TRIML1: variants seen among roughly 807,000 people sequenced by gnomAD.
TRIML1 encodes tripartite motif family like 1.
TRIML1 carries 34 observed loss-of-function variants against 32.3 expected under a neutral mutation model. The observed-to-expected ratio is 1.05, with a 90% CI of 0.80 to 1.40. The LOEUF (loss-of-function observed/expected upper bound fraction) is 1.40. Ranked by LOEUF, TRIML1 falls within the 40% of genes most tolerant of loss-of-function variation. The probability of loss-of-function intolerance (pLI) is 0.00; values close to 1 mark genes in which losing one functional copy is unlikely to be tolerated. For synonymous variants in TRIML1, 244 were observed against 226.6 expected, an observed-to-expected ratio of 1.08 and a Z score of -0.69; for missense variants, 595 against 574.9, an observed-to-expected ratio of 1.03 and a Z score of -0.36.
chr4:188,143,953 T>A, intron 4 of TRIML1, 83 bp from the exon 5 acceptor site: 1 of 1,605,370 alleles, frequency 6.2e-7, no homozygotes. Context: ...GCGCTGTTGC[T>A]GGGGGAGAAA....
upstream of TRIML1, chr4:188,139,427 G>C (rs1734760011): frequency 1.2e-6 from 1 of 864,830 alleles, no homozygotes; most frequent in Non-Finnish European, 1.8e-6. Context: ...GCACAGAAGA[G>C]ATAAGGGTTT....
In TRIML1 at chr4:188,145,441, C is replaced by CAAAAAA. The variant is rs869253721; in HGVS notation, c.856+1338_856+1343dup. Among the ~76,000 whole-genome samples the CAAAAAA allele has an allele frequency of 5.3e-3, 180 of 34,208 alleles. 10 individuals carry two copies. Among genetic ancestry groups the CAAAAAA allele is most frequent in the Non-Finnish European group, 6.6e-3 (138 of 20,868 alleles). 22.4% of individuals were successfully genotyped at this position (34,208 alleles called of 152,430 possible). On this transcript the variant is annotated intron_variant, in intron 5 of 5. Transcript: ENST00000332517. ...TGGGCGACAGAGCGAGACTCCGTCT[C>CAAAAAA]AAAAAAAAAAAAAAAAAAAAAAAAA...
chr4:188,148,578 G>A (rs1053069381), downstream of TRIML1, among the ~76,000 whole-genome samples: 2 of 151,976 alleles, frequency 1.3e-5, no homozygotes. Flanking sequence ...TAGGCTCGCT[G>A]TCTTTAGTGA....
intron 3 of TRIML1, 139 bp from the exon 4 acceptor site, chr4:188,143,699 C>G: frequency 5.0e-6 from 5 of 1,007,054 alleles, no homozygotes; most frequent in Non-Finnish European, 7.7e-6. Flanking sequence ...ACGCTTTTCT[C>G]TGCTCTCTGT....
At chr4:188,142,171 C>T (rs1734879831) in intron 2 of TRIML1, 81 bp from the exon 3 acceptor site, 1 of 968,684 alleles carries the variant, frequency 1.0e-6, no homozygotes, top group Non-Finnish European at 1.5e-6. Flanking sequence ...GATTAAAAAT[C>T]TACAGACAAG....
intron 5 of TRIML1, among the ~76,000 whole-genome samples, chr4:188,145,175 C>A: frequency 6.6e-6 from 1 of 151,948 alleles, no homozygotes; most frequent in South Asian, 2.1e-4. Context: ...CGGTGGCTCA[C>A]GCTTGTAATC....
At chr4:188,148,937 G>A (rs1370358885), downstream of TRIML1, among the ~76,000 whole-genome samples, 1 of 112,418 alleles carries the variant, frequency 8.9e-6, no homozygotes, top group African/African-American at 3.4e-5. Context: ...TTGAGACGGA[G>A]TAGTCTTGCT....
chr4:188,148,369 C>T (rs115109242), downstream of TRIML1, among the ~76,000 whole-genome samples: 7,988 of 151,982 alleles, frequency 0.053, 306 homozygotes, highest in Admixed American at 0.12. Flanking sequence ...TGGCACATGC[C>T]TGCAATCTCA....
intron 5 of TRIML1, among the ~76,000 whole-genome samples, chr4:188,144,604 C>T (rs1482063074): frequency 4.6e-5 from 7 of 151,308 alleles, no homozygotes; most frequent in African/African-American, 9.7e-5. Flanking sequence ...CCTCGTGATC[C>T]GCCCGCCTCG....
At chr4:188,145,898 G>A (rs2111237013) in intron 5 of TRIML1, among the ~76,000 whole-genome samples, 1 of 152,212 alleles carries the variant, frequency 6.6e-6, no homozygotes. Flanking sequence ...ATGGTCCCTG[G>A]GTGCTGCACT....
Position 188,139,866 on chromosome 4 carries a change from A to C in TRIML1, c.308A>C (p.Lys103Thr). 1 of 1,613,858 alleles carries C rather than the reference A, an allele frequency of 6.2e-7. No individual in the cohort carries two copies. Among genetic ancestry groups the C allele is most frequent in the Non-Finnish European group, 8.5e-7 (1 of 1,180,012 alleles). ...TACGGGAGGATGCCCACCACTGCCA[A>C]GGCGCTCTCCGATGACGAGCAGGGT... ...GSYGRMPTTA[K>T]ALSDDEQGGS... Residue 103 changes from lysine (K) to threonine (T), a missense_variant, in exon 1 of 6, where the codon AAG becomes ACG. Transcript: ENST00000332517.
At chr4:188,137,369 C>T (rs1227569664), upstream of TRIML1, among the ~76,000 whole-genome samples, 2 of 121,236 alleles carry the variant, frequency 1.6e-5, no homozygotes, top group African/African-American at 6.2e-5. Flanking sequence ...GTGGTGGGAT[C>T]TTGGCTCACT....
chr4:188,139,044 A>C (rs1734749424), upstream of TRIML1, among the ~76,000 whole-genome samples: 1 of 152,194 alleles, frequency 6.6e-6, no homozygotes. Flanking sequence ...ACTATGTATT[A>C]CAGTTTTCTT....
At position 188,146,877 on chromosome 4, in the gene TRIML1, T is replaced by A; in HGVS notation, c.912T>A (p.Asp304Glu). 4 of 1,485,530 alleles carry A rather than the reference T, an allele frequency of 2.7e-6. No individual in the cohort carries two copies. The highest frequency in any genetic ancestry group is 3.6e-6 in the Non-Finnish European group (4 of 1,116,972). 92.0% of individuals were successfully genotyped at this position (1,485,530 alleles called of 1,614,324 possible). Residue 304 changes from aspartate to glutamate, a missense_variant, in exon 6 of 6, where the codon GAT (aspartate) becomes GAA (glutamate). Transcript: ENST00000332517. ...ATGCCTATCTCGTGTTGTCGGAGGA[T>A]CTGAAGAGTGTGAAATATGGGGGAA... is the stretch of plus-strand genomic sequence containing the variant. ...TANAYLVLSE[D>E]LKSVKYGGSR...
chr4:188,146,292 C>T (rs1735078261), intron 5 of TRIML1, among the ~76,000 whole-genome samples: 1 of 152,176 alleles, frequency 6.6e-6, no homozygotes, highest in Non-Finnish European at 1.5e-5. Flanking sequence ...ATTCTCCTCC[C>T]CACCTCAGGC....
In TRIML1 at chr4:188,139,781, G is replaced by C; in HGVS notation, c.223G>C (p.Ala75Pro). Residue 75 changes from alanine to proline, a missense_variant, in exon 1 of 6, where the codon GCC (alanine) becomes CCC (proline). By Grantham distance (27) the Ala-to-Pro change is conservative. Transcript: ENST00000332517. ...FQSNERLGRL[A>P]SIARQLRSQV... is the part of the protein sequence containing the mutation. ...GTCAAACGAGCGTCTGGGGAGGCTG[G>C]CCAGCATCGCCAGGCAGCTCCGGTC... 1 of 1,613,918 alleles carries C rather than the reference G, an allele frequency of 6.2e-7. No individual in the cohort carries two copies.
Position 188,139,922 on chromosome 4 carries a change from G to A in TRIML1, c.364G>A (p.Ala122Thr). ...GSAFVAQSHGANRVHLSSEAE... is the reference protein window; with the variant it reads ...GSAFVAQSHGTNRVHLSSEAE... ...CGCCTTCGTAGCCCAGAGCCATGGT[G>A]CAAACAGAGTGCATCTCTCCAGCGA... Residue 122 changes from alanine (A) to threonine (T), a missense_variant, in exon 1 of 6, where the codon GCA becomes ACA. Ala to Thr is a moderately conservative substitution (Grantham distance 58). Coordinates refer to ENST00000332517, the MANE Select transcript of TRIML1 (RefSeq NM_178556.5). 1 of 1,613,432 alleles carries A rather than the reference G, an allele frequency of 6.2e-7. No homozygotes were observed. The highest frequency in any genetic ancestry group is 1.1e-5 in the South Asian group (1 of 91,032).
At position 188,139,897 on chromosome 4, in the gene TRIML1, C is replaced by A; in HGVS notation, c.339C>A (p.Ser113Arg). Residue 113 changes from serine to arginine, a missense_variant, in exon 1 of 6, where the codon AGC becomes AGA. Coordinates refer to ENST00000332517, the MANE Select transcript of TRIML1 (RefSeq NM_178556.5). ...TCTCCGATGACGAGCAGGGTGGAAG[C>A]GCCTTCGTAGCCCAGAGCCATGGTG... ...KALSDDEQGG[S>R]AFVAQSHGAN... 1 of 1,613,844 alleles carries A rather than the reference C, an allele frequency of 6.2e-7. No individual in the cohort carries two copies. Among genetic ancestry groups the A allele is most frequent in the Non-Finnish European group, 8.5e-7 (1 of 1,180,022 alleles).
chr4:188,143,955 G>C, intron 4 of TRIML1, 81 bp from the exon 5 acceptor site: 1 of 1,604,808 alleles, frequency 6.2e-7, no homozygotes, highest in Non-Finnish European at 8.5e-7. Context: ...GCTGTTGCTG[G>C]GGGAGAAATG....
Sources: allele counts gnomAD v4.1 joint callset (sites outside exome capture counted in the v4.1 genomes callset), GRCh38; gene constraint gnomAD v4.1.1; transcripts MANE v1.5; gene names NCBI Gene and HGNC (gene_info 2026-07-23, HGNC 2026-07-21).